SP7: variants seen among roughly 807,000 people sequenced by gnomAD.
SP7 encodes transcription factor Sp7.
A neutral mutation model predicts 27.9 loss-of-function variants in SP7; 13 were observed. That is an observed-to-expected ratio of 0.47 (90% confidence interval 0.30 to 0.74). SP7 has a LOEUF of 0.74. Among genes scored for constraint, SP7 ranks in the 30% least tolerant of loss-of-function variants. SP7 has a pLI of 0.06. For synonymous variants in SP7, 219 were observed against 226.7 expected (o/e 0.97, Z 0.31); for missense variants, 525 against 558.0 (o/e 0.94, Z 0.60).
intron 2 of SP7, among the ~76,000 whole-genome samples, chr12:53,329,668 C>A (rs1398192087): frequency 1.3e-5 from 2 of 152,118 alleles, no homozygotes; most frequent in Non-Finnish European, 2.9e-5. Flanking sequence ...ACCCAGAAGG[C>A]AGGAAGCAGA....
chr12:53,328,643 G>T lies in SP7; in HGVS notation c.799C>A (p.Arg267Ser), dbSNP rs201666834. The change falls in exon 3 of 3, where the codon CGC becomes AGC. Residue 267 changes from arginine to serine, a missense_variant. Coordinates refer to ENST00000536324, the MANE Select transcript of SP7 (RefSeq NM_001173467.3). This position sits in a 1 kb window ranked among gnomAD's most constrained non-coding sequence, Gnocchi z 5.1. The stretch of plus-strand genomic sequence containing the variant: ...CAATTAGGGCAGTCGCAGGAGGAGC[G>T]CCCTGCCCCACTGCCCCCATATCCA... ...SGGYGGSGAG[R>S]SSCDCPNCQE... The T allele has an allele frequency of 6.2e-7, 1 of 1,609,632 alleles. No individual in the cohort carries two copies. Among genetic ancestry groups the T allele is most frequent in the African/African-American group, 1.3e-5 (1 of 74,838 alleles).
chr12:53,343,815 C>T (rs538553468), intron 1 of SP7, among the ~76,000 whole-genome samples: 3 of 152,008 alleles, frequency 2.0e-5, no homozygotes, highest in Non-Finnish European at 4.4e-5. Context: ...AAGGCCAAGG[C>T]GGGCAGATCA....
At chr12:53,339,080 G>A (rs939367138), upstream of SP7, among the ~76,000 whole-genome samples, 2 of 152,164 alleles carry the variant, frequency 1.3e-5, no homozygotes, top group African/African-American at 2.4e-5. Context: ...CATGTGGCAG[G>A]GGCGGGTAGA....
intron 1 of SP7, chr12:53,335,897 C>A: frequency 2.5e-6 from 3 of 1,198,608 alleles, no homozygotes; most frequent in Non-Finnish European, 2.2e-6. Context: ...GCAGAGGGTC[C>A]AAATTTCCTG....
chr12:53,337,211 C>T (rs1359366381), upstream of SP7, among the ~76,000 whole-genome samples: 2 of 152,226 alleles, frequency 1.3e-5, no homozygotes, highest in African/African-American at 2.4e-5. Context: ...GTGGACAGTT[C>T]TCCAGAGTGA....
chr12:53,334,331 TACACACACACACACAC>T (rs57611228), intron 2 of SP7, among the ~76,000 whole-genome samples: 65 of 139,614 alleles, frequency 4.7e-4, no homozygotes, highest in Middle Eastern at 3.5e-3. Flanking sequence ...TGGCCCAACT[TACACACACACACACAC>T]ACACACACAC....
rs549948087 is a variant in SP7 at position 53,328,228 on chromosome 12, G to C, written c.1214C>G (p.Thr405Arg). 2 of 1,613,014 alleles carry C rather than the reference G, an allele frequency of 1.2e-6. No homozygotes were observed. Among genetic ancestry groups the C allele is most frequent in the African/African-American group, 2.7e-5 (2 of 74,908 alleles). The change falls in exon 3 of 3, where the codon ACG becomes AGG. Residue 405 changes from threonine (T) to arginine (R), a missense_variant. Thr to Arg is a moderately conservative substitution (Grantham distance 71). Transcript: ENST00000536324. This position sits in a 1 kb window ranked among gnomAD's most constrained non-coding sequence, Gnocchi z 5.1. ...RSTGEEEASQ[T>R]PRPSASPATP... The stretch of plus-strand genomic sequence containing the variant: ...TGCTGGCGAGGCAGAAGGTCGGGGC[G>C]TCTGACTGGCCTCCTCTTCCCCCGT...
At chr12:53,332,347 G>A (rs190567330) in intron 2 of SP7, among the ~76,000 whole-genome samples, 8 of 152,162 alleles carry the variant, frequency 5.3e-5, no homozygotes, top group Admixed American at 2.0e-4. Flanking sequence ...GAGGCCAAGT[G>A]GGGGAGGGTT....
upstream of SP7, among the ~76,000 whole-genome samples, chr12:53,339,097 G>A (rs1565794687): frequency 1.3e-5 from 2 of 152,120 alleles, no homozygotes; most frequent in Admixed American, 1.3e-4. Context: ...TAGAGGCTGC[G>A]GCTCTGGTCC....
In SP7 at chr12:53,328,385, T is replaced by A; in HGVS notation, c.1057A>T (p.Lys353Ter). ...RHVRTHTREKKFTCLLCSKRF... is the reference protein window; with the variant it reads ...RHVRTHTREK ...TTGGAGCAGAGCAGGCAGGTGAACT[T>A]CTTCTCCCGGGTGTGAGTGCGCACA... The change falls in exon 3 of 3, where the codon AAG (lysine) becomes TAG (stop). Residue 353 changes from lysine (K) to a stop codon, truncating the protein, a stop_gained. Transcript: ENST00000536324. LOFTEE classifies it high-confidence loss of function. This position sits in a 1 kb window ranked among gnomAD's most constrained non-coding sequence, Gnocchi z 5.1. 8 of 1,613,742 alleles carry A rather than the reference T, an allele frequency of 5.0e-6. No individual in the cohort carries two copies. The highest frequency in any genetic ancestry group is 5.9e-6 in the Non-Finnish European group (7 of 1,179,718).
In SP7 at chr12:53,328,119, C is replaced by G; in HGVS notation, c.*27G>C. On this transcript the variant is annotated 3_prime_UTR_variant, in exon 3 of 3. Coordinates refer to ENST00000536324, the MANE Select transcript of SP7 (RefSeq NM_001173467.3). The surrounding 1 kb of genome is among the most constrained non-coding windows in gnomAD (Gnocchi z 5.1). ...AGCCAAGAGAGACTGTCAGGGCAGC[C>G]CTGGGGTGGGAGACCTTCCACCCGG... 2 of 1,574,360 alleles carry G rather than the reference C, an allele frequency of 1.3e-6. No homozygotes were observed. Among genetic ancestry groups the G allele is most frequent in the Non-Finnish European group, 1.7e-6 (2 of 1,161,472 alleles).
chr12:53,328,789 G>C lies in SP7; in HGVS notation c.653C>G (p.Pro218Arg). ...APYPAPHLLQ[P>R]GPQHVLPQDV... ...TTGGGGCAAGACATGCTGGGGCCCT[G>C]GTTGCAAGAGGTGGGGAGCTGGGTA... Residue 218 changes from proline to arginine, a missense_variant, in exon 3 of 3, where the codon CCA becomes CGA. Pro to Arg is a moderately radical substitution (Grantham distance 103). Transcript: ENST00000536324. This position sits in a 1 kb window ranked among gnomAD's most constrained non-coding sequence, Gnocchi z 5.1. 6.3e-7 allele frequency: 1 copy of C among 1,597,698 alleles called. No individual in the cohort carries two copies. The highest frequency in any genetic ancestry group is 8.6e-7 in the Non-Finnish European group (1 of 1,168,612).
chr12:53,335,841 C>G (rs950093548), intron 1 of SP7, 148 bp from the exon 2 acceptor site: 143 of 1,411,350 alleles, frequency 1.0e-4, no homozygotes, highest in Non-Finnish European at 1.3e-4. Flanking sequence ...TACAGCTTTC[C>G]CAGCGGAGAA....
At position 53,327,106 on chromosome 12, in the gene SP7, T is replaced by A. The variant is rs1944639833; in HGVS notation, c.*1040A>T. 1 of 152,548 alleles carries A rather than the reference T, an allele frequency of 6.6e-6. No homozygotes were observed. The highest frequency in any genetic ancestry group is 1.5e-5 in the Non-Finnish European group (1 of 68,044). The allele number at this position is 152,548 out of a possible 1,614,324, so 9.4% of individuals were successfully genotyped here. On this transcript the variant is annotated 3_prime_UTR_variant, in exon 3 of 3. Coordinates refer to ENST00000536324, the MANE Select transcript of SP7 (RefSeq NM_001173467.3). Reference sequence around the variant, plus strand: ...GGATTAACCTGATGGGGTCATGGTGTCTAAGGGGTGGGGCAGTGGAGGAAC... The same window carrying A: ...GGATTAACCTGATGGGGTCATGGTGACTAAGGGGTGGGGCAGTGGAGGAAC...
chr12:53,336,469 G>A (rs969233812), upstream of SP7: 7 of 153,816 alleles, frequency 4.6e-5, no homozygotes, highest in African/African-American at 7.3e-5. Context: ...GGTTGGGGAC[G>A]ACACTCACAC....
At chr12:53,331,651 C>T (rs1323958845) in intron 2 of SP7, among the ~76,000 whole-genome samples, 21 of 152,014 alleles carry the variant, frequency 1.4e-4, no homozygotes, top group Admixed American at 1.3e-4. Context: ...CTGGCATAGA[C>T]GGTCATTCAT....
chr12:53,337,238 ACTC>A (rs1944781063), upstream of SP7, among the ~76,000 whole-genome samples: 1 of 152,162 alleles, frequency 6.6e-6, no homozygotes, highest in South Asian at 2.1e-4. Flanking sequence ...TTTCCTGGGA[ACTC>A]CTGGTTCCCT....
intron 2 of SP7, among the ~76,000 whole-genome samples, chr12:53,332,913 A>AAACGCC (rs1944722573): frequency 6.6e-6 from 1 of 152,058 alleles, no homozygotes. Flanking sequence ...TTATTTTTAA[A>AAACGCC]AACGCCGACG....
chr12:53,341,492 G>T (rs762455699), intron 1 of SP7, among the ~76,000 whole-genome samples: 1 of 152,088 alleles, frequency 6.6e-6, no homozygotes, highest in East Asian at 1.9e-4. Flanking sequence ...TAAGAACCTG[G>T]TCATCTCTAG....
Sources: gnomAD v4.1 joint callset for allele counts (sites outside exome capture counted in the v4.1 genomes callset) on GRCh38, gnomAD v4.1.1 for gene constraint, Gnocchi (gnomAD v3.1) non-coding constraint, MANE v1.5 for transcripts, NCBI Gene and HGNC (gene_info 2026-07-23, HGNC 2026-07-21) for gene names.